FRMD5: variants seen among roughly 807,000 people sequenced by gnomAD.
FRMD5 encodes FERM domain containing 5, also known as FERM domain-containing protein 5.
Under a neutral mutation model 69.0 loss-of-function variants are expected in FRMD5, and 20 were observed. The ratio of observed to expected loss-of-function variants is 0.29; its 90% CI spans 0.20 to 0.42. FRMD5 has a LOEUF of 0.42. FRMD5 is among the 10% of genes least tolerant of loss of function. The pLI is 1.00. For synonymous variants in FRMD5, 271 were observed against 260.1 expected (o/e 1.04, Z -0.40); for missense variants, 595 against 708.6 (o/e 0.84, Z 1.82).
At chr15:44,163,469 G>A (rs368595119) in intron 1 of FRMD5, among the ~76,000 whole-genome samples, 1 of 152,126 alleles carries the variant, frequency 6.6e-6, no homozygotes, top group South Asian at 2.1e-4. Context: ...TGTGGTCATG[G>A]TACACTTCTT....
At chr15:44,183,914 G>C (rs1376473030) in intron 1 of FRMD5, among the ~76,000 whole-genome samples, 1 of 151,804 alleles carries the variant, frequency 6.6e-6, no homozygotes, top group African/African-American at 2.4e-5. Context: ...CCCAGGATGC[G>C]GAGGTTGCAG....
chr15:43,881,609 C>T (rs535842223), intron 13 of FRMD5, among the ~76,000 whole-genome samples: 91 of 152,304 alleles, frequency 6.0e-4, no homozygotes, highest in Non-Finnish European at 1.1e-3. Flanking sequence ...CTGATCAGAA[C>T]TCTGCACTGT....
chr15:44,163,588 A>G (rs2140506776), intron 1 of FRMD5, among the ~76,000 whole-genome samples: 1 of 152,314 alleles, frequency 6.6e-6, no homozygotes, highest in East Asian at 1.9e-4. Flanking sequence ...TCATCCTCAT[A>G]TGACTAACAA....
chr15:43,946,052 C>T (rs2089941840), intron 1 of FRMD5, among the ~76,000 whole-genome samples: 1 of 150,350 alleles, frequency 6.7e-6, no homozygotes, highest in Admixed American at 6.6e-5. Context: ...GAGACTCTGT[C>T]TCAAAAAAAA....
intron 1 of FRMD5, among the ~76,000 whole-genome samples, chr15:44,158,375 C>A (rs1003449095): frequency 2.6e-5 from 4 of 152,166 alleles, no homozygotes; most frequent in African/African-American, 9.7e-5. Flanking sequence ...ATTCCAATGT[C>A]TTTTCACTGA....
chr15:44,043,617 A>G (rs911714415), intron 1 of FRMD5, among the ~76,000 whole-genome samples: 1 of 152,030 alleles, frequency 6.6e-6, no homozygotes, highest in African/African-American at 2.4e-5. Flanking sequence ...CAGAAATAAC[A>G]CCACATGTCC....
intron 7 of FRMD5, among the ~76,000 whole-genome samples, chr15:43,899,097 CCTCT>C (rs2088984187): frequency 6.6e-6 from 1 of 152,190 alleles, no homozygotes; most frequent in African/African-American, 2.4e-5. Flanking sequence ...CCAGTAATTG[CCTCT>C]CTGTTAATAG....
At chr15:43,904,306 T>C (rs1019539784) in intron 6 of FRMD5, among the ~76,000 whole-genome samples, 1 of 152,230 alleles carries the variant, frequency 6.6e-6, no homozygotes, top group Non-Finnish European at 1.5e-5. Flanking sequence ...GAACAGTAGA[T>C]ACACAAACCT....
chr15:44,151,357 A>C (rs554349667), intron 1 of FRMD5, among the ~76,000 whole-genome samples: 4 of 150,902 alleles, frequency 2.7e-5, no homozygotes, highest in Admixed American at 2.6e-4. Context: ...AGATCGCGCC[A>C]CTGCACTCCA....
chr15:43,926,785 G>A (rs191380302), intron 1 of FRMD5, among the ~76,000 whole-genome samples: 2 of 151,086 alleles, frequency 1.3e-5, no homozygotes, highest in South Asian at 4.3e-4. Flanking sequence ...ATGACTAGAG[G>A]CTATGGGCTG....
chr15:43,897,438 G>A (rs903549219), intron 7 of FRMD5, among the ~76,000 whole-genome samples: 1 of 122,784 alleles, frequency 8.1e-6, no homozygotes, highest in Non-Finnish European at 1.6e-5. Flanking sequence ...AGTGAGCTGA[G>A]ATTACACCAT....
chr15:43,924,361 CTT>C (rs5812256), intron 1 of FRMD5, 52 bp from the exon 2 acceptor site: 827 of 1,074,686 alleles, frequency 7.7e-4, no homozygotes, highest in Non-Finnish European at 9.1e-4. Flanking sequence ...TTCAGTGTAA[CTT>C]TTTTTTTTTT....
In FRMD5 at chr15:44,155,837, C is replaced by T. The variant is rs192788484; in HGVS notation, c.102+39116G>A. 9.7e-3 allele frequency among the ~76,000 whole-genome samples: 1,477 copies of T among 152,052 alleles called. 14 individuals carry two copies. Among genetic ancestry groups the T allele is most frequent in the Non-Finnish European group, 0.015 (1,007 of 67,982 alleles). ...CTTGAACTCCTGACCTCAAGTGATC[C>T]GCCCGCCTCAGCCTTCCAAAGTGCT... On this transcript the variant is annotated intron_variant, in intron 1 of 13. Coordinates refer to ENST00000417257, the MANE Select transcript of FRMD5 (RefSeq NM_032892.5).
At chr15:43,915,009 G>A (rs1360017763) in intron 4 of FRMD5, among the ~76,000 whole-genome samples, 3 of 152,148 alleles carry the variant, frequency 2.0e-5, no homozygotes, top group African/African-American at 7.2e-5. Flanking sequence ...TTACAGGCGT[G>A]AGCCACTGCG....
chr15:44,000,895 C>A (rs764593735), intron 1 of FRMD5, among the ~76,000 whole-genome samples: 1 of 152,156 alleles, frequency 6.6e-6, no homozygotes, highest in Admixed American at 6.5e-5. Flanking sequence ...CTCAGTGCAG[C>A]CTCAACCTCC....
chr15:44,004,161 T>C (rs1890333621), intron 1 of FRMD5, among the ~76,000 whole-genome samples: 1 of 152,234 alleles, frequency 6.6e-6, no homozygotes, highest in South Asian at 2.1e-4. Context: ...CCAAGAGGAA[T>C]GTGTCCTTAC....
chr15:44,117,618 T>A (rs923170588), intron 1 of FRMD5, among the ~76,000 whole-genome samples: 1 of 152,212 alleles, frequency 6.6e-6, no homozygotes, highest in Non-Finnish European at 1.5e-5. Context: ...GAAAAGCACA[T>A]CAAGACTGAG....
intron 1 of FRMD5, among the ~76,000 whole-genome samples, chr15:43,999,967 T>TATATGCCATTC (rs55916455): frequency 2.4e-5 from 1 of 42,038 alleles, no homozygotes; most frequent in Non-Finnish European, 5.4e-5. Flanking sequence ...TATATATATA[T>TATATGCCATTC]ATATATATAT....
intron 1 of FRMD5, among the ~76,000 whole-genome samples, chr15:44,145,891 C>T (rs989761148): frequency 5.3e-5 from 8 of 152,134 alleles, no homozygotes; most frequent in Non-Finnish European, 4.4e-5. Flanking sequence ...ACATATCATA[C>T]TAAGGGAGCT....
Sources: allele counts gnomAD v4.1 joint callset (sites outside exome capture counted in the v4.1 genomes callset), GRCh38; gene constraint gnomAD v4.1.1; transcripts MANE v1.5; gene names NCBI Gene and HGNC (gene_info 2026-07-23, HGNC 2026-07-21).